GRID2: variants seen among roughly 807,000 people sequenced by gnomAD.
GRID2 encodes glutamate receptor ionotropic, delta-2.
Under a neutral mutation model 114.8 loss-of-function variants are expected in GRID2, and 33 were observed. That is an observed-to-expected ratio of 0.29 (90% confidence interval 0.22 to 0.38). The LOEUF is 0.38. GRID2 is among the 10% of genes least tolerant of loss of function. GRID2 has a pLI of 1.00. For synonymous variants in GRID2, 505 were observed against 449.9 expected (o/e 1.12, Z -1.55); for missense variants, 1,184 against 1,257.7 (o/e 0.94, Z 0.89).
intron 2 of GRID2, among the ~76,000 whole-genome samples, chr4:93,057,162 C>CTGTGTGTGTGTGTG (rs139689521): frequency 3.4e-5 from 5 of 147,836 alleles, no homozygotes; most frequent in African/African-American, 1.2e-4. Context: ...GTATGTGTGT[C>CTGTGTGTGTGTGTG]TGTGTGTGTG....
Position 92,934,643 on chromosome 4 carries a change from C to A in GRID2, c.245-150352C>A, listed in dbSNP as rs1173820471. 4.8e-5 allele frequency among the ~76,000 whole-genome samples: 7 copies of A among 146,460 alleles called. 1 individual carries two copies. Among genetic ancestry groups the A allele is most frequent in the Non-Finnish European group, 1.1e-4 (7 of 66,228 alleles). On this transcript the variant is annotated intron_variant, in intron 2 of 15. Transcript: ENST00000282020. ...TGCTACCTGACTTCAAACTATACTACAAGGCTACAGTAACCAAAACAGCAT... is the reference window on the plus strand; with the variant it reads ...TGCTACCTGACTTCAAACTATACTAAAAGGCTACAGTAACCAAAACAGCAT...
At chr4:93,546,908 T>A (rs114302842) in intron 13 of GRID2, among the ~76,000 whole-genome samples, 259 of 152,236 alleles carry the variant, frequency 1.7e-3, no homozygotes, top group African/African-American at 5.9e-3. Flanking sequence ...CTTGTCTTAC[T>A]TTAGGTATAT....
At chr4:92,798,224 A>G (rs1739985042) in intron 2 of GRID2, among the ~76,000 whole-genome samples, 1 of 152,036 alleles carries the variant, frequency 6.6e-6, no homozygotes, top group Non-Finnish European at 1.5e-5. Flanking sequence ...AAAATAAGTC[A>G]TATTTTGTAA....
chr4:92,399,721 A>C (rs1190236338), intron 1 of GRID2, among the ~76,000 whole-genome samples: 1 of 151,622 alleles, frequency 6.6e-6, no homozygotes, highest in Admixed American at 6.6e-5. Context: ...GTATTTAATT[A>C]TATAAAATTT....
chr4:93,068,197 T>A (rs888566772), intron 2 of GRID2, among the ~76,000 whole-genome samples: 1 of 152,028 alleles, frequency 6.6e-6, no homozygotes, highest in African/African-American at 2.4e-5. Context: ...ATGTGAATAA[T>A]GGTAATGCAA....
intron 8 of GRID2, 126 bp downstream of exon 8, chr4:93,238,616 G>C: frequency 3.1e-6 from 2 of 639,784 alleles, no homozygotes; most frequent in Middle Eastern, 5.7e-4. Flanking sequence ...AAAGCAGGGG[G>C]TGAGGGGAAA....
intron 2 of GRID2, among the ~76,000 whole-genome samples, chr4:92,695,827 C>G (rs538908129): frequency 4.6e-5 from 7 of 151,768 alleles, no homozygotes; most frequent in African/African-American, 1.7e-4. Context: ...TCAAATAGTT[C>G]GTGAATTAAA....
intron 6 of GRID2, among the ~76,000 whole-genome samples, chr4:93,221,573 A>G (rs2149488928): frequency 6.6e-6 from 1 of 152,308 alleles, no homozygotes; most frequent in South Asian, 2.1e-4. Context: ...CAGAAATTGA[A>G]GTGACCTTTT....
At chr4:93,552,255 A>G (rs2149545338) in intron 13 of GRID2, among the ~76,000 whole-genome samples, 1 of 152,154 alleles carries the variant, frequency 6.6e-6, no homozygotes, top group South Asian at 2.1e-4. Context: ...TATATGTGCC[A>G]CATTTTCTTA....
At chr4:93,764,115 G>C (rs1733436527) in intron 14 of GRID2, among the ~76,000 whole-genome samples, 1 of 152,148 alleles carries the variant, frequency 6.6e-6, no homozygotes, top group South Asian at 2.1e-4. Flanking sequence ...ATTAGTGTGA[G>C]TCTCAAACAC....
chr4:92,751,722 TA>T lies in GRID2; in HGVS notation c.244+161437del, dbSNP rs1362727864. Among the ~76,000 whole-genome samples the T allele has an allele frequency of 3.3e-5, 5 of 152,338 alleles. No individual in the cohort carries two copies. In the East Asian group the frequency reaches 9.6e-4, roughly 29 times the overall value. On this transcript the variant is annotated intron_variant, in intron 2 of 15. Transcript: ENST00000282020. ...GTTTCTAGACTTTTAAATACTAACT[TA>T]TACTATACTGTAATGATTTTTGACA...
chr4:93,779,326 A>G (rs992869418), downstream of GRID2, among the ~76,000 whole-genome samples: 4 of 152,180 alleles, frequency 2.6e-5, no homozygotes, highest in African/African-American at 9.6e-5. Context: ...ATACTTTCTG[A>G]GCACCTACTA....
chr4:93,138,756 G>A (rs963693324), intron 4 of GRID2, among the ~76,000 whole-genome samples: 1 of 152,096 alleles, frequency 6.6e-6, no homozygotes, highest in Non-Finnish European at 1.5e-5. Flanking sequence ...TCTTTTGTGT[G>A]GCTTGTTACT....
intron 1 of GRID2, among the ~76,000 whole-genome samples, chr4:92,415,420 C>T (rs1180468186): frequency 6.6e-6 from 1 of 151,692 alleles, no homozygotes. Context: ...GCACTGATTA[C>T]CCAAGCAGTG....
chr4:93,517,945 A>C (rs1404356045), intron 13 of GRID2, among the ~76,000 whole-genome samples: 6 of 35,480 alleles, frequency 1.7e-4, no homozygotes, highest in Admixed American at 1.2e-3. Context: ...ATGTATATAC[A>C]TACATGTATA....
At chr4:92,325,042 T>C (rs1383672085) in intron 1 of GRID2, among the ~76,000 whole-genome samples, 2 of 151,940 alleles carry the variant, frequency 1.3e-5, no homozygotes, top group Non-Finnish European at 2.9e-5. Flanking sequence ...CAACTGAGCA[T>C]GCTGTAATAT....
At chr4:92,791,280 A>G (rs1319246420) in intron 2 of GRID2, among the ~76,000 whole-genome samples, 1 of 151,796 alleles carries the variant, frequency 6.6e-6, no homozygotes, top group Non-Finnish European at 1.5e-5. Context: ...TCCCGCCAGT[A>G]TCACATTAAC....
At chr4:92,908,489 G>A (rs1336493424) in intron 2 of GRID2, among the ~76,000 whole-genome samples, 5 of 150,234 alleles carry the variant, frequency 3.3e-5, no homozygotes, top group Non-Finnish European at 5.9e-5. Flanking sequence ...GTGAACCTGG[G>A]AGGCGGAGCT....
chr4:93,798,821 A>C (rs1734860727), intron 1 of GRID2, among the ~76,000 whole-genome samples: 1 of 152,226 alleles, frequency 6.6e-6, no homozygotes, highest in South Asian at 2.1e-4. Flanking sequence ...CTGGACCAGG[A>C]GGCCAGAGCC....
Sources: gnomAD v4.1 joint callset for allele counts (sites outside exome capture counted in the v4.1 genomes callset) on GRCh38, gnomAD v4.1.1 for gene constraint, MANE v1.5 for transcripts, NCBI Gene and HGNC (gene_info 2026-07-23, HGNC 2026-07-21) for gene names.